ING3: variants seen among roughly 807,000 people sequenced by gnomAD.
The protein encoded by ING3 is inhibitor of growth protein 3.
Under a neutral mutation model 64.8 loss-of-function variants are expected in ING3, and 6 were observed. The ratio of observed to expected loss-of-function variants is 0.09; its 90% confidence interval spans 0.05 to 0.18. ING3 has a LOEUF of 0.18. Among genes scored for constraint, ING3 ranks in the 10% least tolerant of loss-of-function variants. The probability of loss-of-function intolerance (pLI) is 1.00; values close to 1 mark genes in which losing one functional copy is unlikely to be tolerated. For missense variants in ING3, 310 were observed against 489.7 expected (o/e 0.63, Z 3.46); for synonymous variants, 170 against 173.7 (o/e 0.98, Z 0.17).
chr7:120,960,323 G>A (rs2116666701), intron 4 of ING3, among the ~76,000 whole-genome samples: 1 of 152,312 alleles, frequency 6.6e-6, no homozygotes, highest in Non-Finnish European at 1.5e-5. Flanking sequence ...AGTCTAGGAG[G>A]AGAGTGATTC....
intron 5 of ING3, 34 bp from the exon 6 acceptor site, chr7:120,966,592 A>G: frequency 1.3e-6 from 2 of 1,501,430 alleles, no homozygotes; most frequent in Non-Finnish European, 9.3e-7. Context: ...GTGACATTTA[A>G]TGGTGGTGTA....
At chr7:120,950,945 G>A (rs1255397407) in intron 1 of ING3, 21 bp downstream of exon 1, 3 of 1,611,970 alleles carry the variant, frequency 1.9e-6, no homozygotes, top group Non-Finnish European at 2.5e-6. Context: ...GGCGCTGGCG[G>A]CGGCCGCCAG....
At chr7:120,968,346 C>G (rs1215783854) in intron 8 of ING3, among the ~76,000 whole-genome samples, 1 of 152,092 alleles carries the variant, frequency 6.6e-6, no homozygotes, top group East Asian at 1.9e-4. Context: ...GCTCATGTTG[C>G]CCATGTTCTT....
Position 120,966,714 on chromosome 7 carries a change from G to A in ING3, c.436+17G>A, listed in dbSNP as rs372182443. ...CAGTGGAAAGTAAGTTTGGTGTAGT[G>A]CAGCTAAGTTTTAAAAACAATGAAA... On this transcript the variant is annotated intron_variant, in intron 6 of 11. Transcript: ENST00000315870. 3.3e-5 allele frequency: 53 copies of A among 1,585,496 alleles called. No homozygotes were observed. The African/African-American group carries it at 6.7e-4, about 20-fold the overall frequency.
At chr7:120,967,771 AAG>A (rs1306690711) in intron 7 of ING3, 123 bp downstream of exon 7, 8 of 1,290,606 alleles carry the variant, frequency 6.2e-6, no homozygotes, top group Non-Finnish European at 6.4e-6. Context: ...CATATGGAGA[AAG>A]AAGAAAAAGG....
chr7:120,951,296 C>T, intron 2 of ING3, 61 bp downstream of exon 2: 1 of 1,477,808 alleles, frequency 6.8e-7, no homozygotes, highest in South Asian at 1.1e-5. Flanking sequence ...ACTTGCTTGT[C>T]ATCACTGCTA....
intron 11 of ING3, 108 bp downstream of exon 11, chr7:120,973,351 G>T: frequency 1.4e-6 from 1 of 732,646 alleles, no homozygotes; most frequent in East Asian, 2.6e-5. Context: ...CAGGTTTGCA[G>T]GTATATTAGT....
intron 4 of ING3, 82 bp downstream of exon 4, chr7:120,955,706 T>C: frequency 1.1e-6 from 1 of 933,166 alleles, no homozygotes; most frequent in Non-Finnish European, 1.7e-6. Context: ...TTAAATGTAG[T>C]AGGAAGAAGC....
intron 10 of ING3, among the ~76,000 whole-genome samples, chr7:120,972,764 G>A (rs1796084960): frequency 6.6e-6 from 1 of 152,006 alleles, no homozygotes; most frequent in Non-Finnish European, 1.5e-5. Flanking sequence ...TGGTGATGAA[G>A]AGCAAAAGAA....
intron 4 of ING3, among the ~76,000 whole-genome samples, chr7:120,959,032 CA>C (rs1795893328): frequency 6.6e-6 from 1 of 152,128 alleles, no homozygotes; most frequent in Admixed American, 6.5e-5. Flanking sequence ...TGCTTATTGC[CA>C]TTCGTTTTGT....
Position 120,977,026 on chromosome 7 carries a change from T to C in ING3, c.*2182T>C, listed in dbSNP as rs1796143338. Reference sequence around the variant, plus strand: ...TTACACCAAGGGGCATAGTAAGTATTTTTGGTATTATAAAATACACATTCA... The same window carrying C: ...TTACACCAAGGGGCATAGTAAGTATCTTTGGTATTATAAAATACACATTCA... On this transcript the variant is annotated 3_prime_UTR_variant, in exon 12 of 12. Transcript: ENST00000315870. The C allele has an allele frequency of 6.6e-6, 1 of 152,200 alleles. No homozygotes were observed. Among genetic ancestry groups the C allele is most frequent in the South Asian group, 2.1e-4 (1 of 4,832 alleles). The allele number at this position is 152,200 out of a possible 1,614,324, so 9.4% of individuals were successfully genotyped here.
rs991896622 is a variant in ING3, at chr7:120,967,924, A to G, written c.557-10A>G. ...GCAACCATTTTTATTTCTTTTTTAC[A>G]TCTACACAGGTTGTCGAAATAATAA... On this transcript the variant is annotated splice_polypyrimidine_tract_variant and intron_variant, in intron 7 of 11. Transcript: ENST00000315870. The G allele has an allele frequency of 1.9e-6, 3 of 1,613,408 alleles. No homozygotes were observed. The highest frequency in any genetic ancestry group is 1.7e-6 in the Non-Finnish European group (2 of 1,179,606).
In ING3 at chr7:120,974,971, C is replaced by T; in HGVS notation, c.*127C>T. The T allele has an allele frequency of 1.2e-5, 7 of 570,536 alleles. No individual in the cohort carries two copies. The highest frequency in any genetic ancestry group is 1.8e-5 in the Non-Finnish European group (6 of 329,142). 35.3% of individuals were successfully genotyped at this position (570,536 alleles called of 1,614,324 possible). ...CAACCACTTAAAGGATTTACATAGA[C>T]AATCCTATAAGATCTTGAACTTGAA... On this transcript the variant is annotated 3_prime_UTR_variant, in exon 12 of 12. Coordinates refer to ENST00000315870, the MANE Select transcript of ING3 (RefSeq NM_019071.3).
chr7:120,968,003 G>T lies in ING3; in HGVS notation c.626G>T (p.Gly209Val). ...AATGTGAATTCCTCCCAACCTCTGG[G>T]ATCCTATAACATTGGCTCGTTATCT... ...AYNVNSSQPL[G>V]SYNIGSLSSG... Residue 209 changes from glycine to valine, a missense_variant, in exon 8 of 12, where the codon GGA becomes GTA. By Grantham distance (109) the Gly-to-Val change is moderately radical (BLOSUM62 -3). This residue lies in a region of ING3 where 233 missense variants were observed against 289.4 expected (regional missense o/e 0.81). Transcript: ENST00000315870. 1 of 1,613,992 alleles carries T rather than the reference G, an allele frequency of 6.2e-7. No individual in the cohort carries two copies.
In ING3 at chr7:120,975,871, A is replaced by T. The variant is rs545146848; in HGVS notation, c.*1027A>T. 3 of 152,184 alleles carry T rather than the reference A, an allele frequency of 2.0e-5. No individual in the cohort carries two copies. Among genetic ancestry groups the T allele is most frequent in the Non-Finnish European group, 2.9e-5 (2 of 68,014 alleles). The allele number at this position is 152,184 out of a possible 1,614,324, so 9.4% of individuals were successfully genotyped here. A position where few individuals can be genotyped will look rare whatever the true frequency, so the allele number is the denominator to read the frequency against. The stretch of plus-strand genomic sequence containing the variant: ...GCCAATGTATTTTTTTAAGAACATC[A>T]TCTGGCTTTTCCTTCAGTCTAAAAG... On this transcript the variant is annotated 3_prime_UTR_variant, in exon 12 of 12. Transcript: ENST00000315870.
intron 4 of ING3, among the ~76,000 whole-genome samples, chr7:120,961,274 T>C (rs1295682623): frequency 4.6e-5 from 7 of 152,202 alleles, no homozygotes; most frequent in African/African-American, 1.7e-4. Context: ...CATGACCTGT[T>C]ATCTGAGAAA....
chr7:120,952,385 TAG>T (rs1795780367), intron 2 of ING3, among the ~76,000 whole-genome samples: 1 of 152,358 alleles, frequency 6.6e-6, no homozygotes, highest in Admixed American at 6.5e-5. Flanking sequence ...TTAGAATTTC[TAG>T]TATCTGATAC....
At chr7:120,973,073 T>G in intron 10 of ING3, 132 bp from the exon 11 acceptor site, 1 of 371,438 alleles carries the variant, frequency 2.7e-6, no homozygotes, top group African/African-American at 2.3e-5. Flanking sequence ...TTATTATACC[T>G]TGATTCTCAA....
chr7:120,964,088 AC>A (rs1478873152), intron 4 of ING3, among the ~76,000 whole-genome samples: 1 of 152,170 alleles, frequency 6.6e-6, no homozygotes, highest in African/African-American at 2.4e-5. Flanking sequence ...TCTCTCAGTG[AC>A]AAAATAAAAT....
Sources: allele counts gnomAD v4.1 joint callset (sites outside exome capture counted in the v4.1 genomes callset), GRCh38; gene constraint gnomAD v4.1.1; regional missense constraint gnomAD v4.1.1; transcripts MANE v1.5; gene names NCBI Gene and HGNC (gene_info 2026-07-23, HGNC 2026-07-21).